The following COL4A1 variants were observed in gnomAD, a reference collection of about 807,000 sequenced individuals.
COL4A1 encodes collagen alpha-1(IV) chain.
A neutral mutation model predicts 216.6 loss-of-function variants in COL4A1; 40 were observed. The ratio of observed to expected loss-of-function variants is 0.18; its 90% CI spans 0.14 to 0.24. The LOEUF is 0.24. Among genes scored for constraint, COL4A1 ranks in the 10% least tolerant of loss-of-function variants. The pLI is 1.00. For synonymous variants in COL4A1, 839 were observed against 810.7 expected, an observed-to-expected ratio of 1.03 and a Z score of -0.59; for missense variants, 1,628 against 2,196.8, an observed-to-expected ratio of 0.74 and a Z score of 5.18.
At chr13:110,165,611 C>T (rs1877303034) in intron 45 of COL4A1, among the ~76,000 whole-genome samples, 1 of 151,874 alleles carries the variant, frequency 6.6e-6, no homozygotes, top group Non-Finnish European at 1.5e-5. Context: ...CACCCTCCCT[C>T]CCCTCTCCTT....
intron 48 of COL4A1, 185 bp downstream of exon 48, chr13:110,162,045 C>T (rs531435511): frequency 8.7e-6 from 6 of 690,210 alleles, no homozygotes; most frequent in Middle Eastern, 4.1e-4. Flanking sequence ...GCTGTTGAAC[C>T]GATTATTTGT....
At chr13:110,272,722 C>G (rs1446212739) in intron 1 of COL4A1, among the ~76,000 whole-genome samples, 3 of 152,230 alleles carry the variant, frequency 2.0e-5, no homozygotes, top group Non-Finnish European at 4.4e-5. Context: ...TTCTTGCCAA[C>G]AGTAAGGTAA....
intron 2 of COL4A1, among the ~76,000 whole-genome samples, chr13:110,220,844 G>C (rs936067865): frequency 3.9e-5 from 6 of 152,174 alleles, no homozygotes; most frequent in Non-Finnish European, 4.4e-5. Context: ...GGATAAACTA[G>C]AAGTGAAAAT....
At chr13:110,301,153 C>T (rs924668462) in intron 1 of COL4A1, among the ~76,000 whole-genome samples, 5 of 152,192 alleles carry the variant, frequency 3.3e-5, no homozygotes, top group Non-Finnish European at 5.9e-5. Context: ...CTTCGTTTGC[C>T]CAGATTCATC....
intron 1 of COL4A1, among the ~76,000 whole-genome samples, chr13:110,273,697 T>C (rs902998188): frequency 7.9e-5 from 12 of 152,328 alleles, no homozygotes; most frequent in African/African-American, 2.9e-4. Context: ...GGGTATAAAG[T>C]CTGGAAAACT....
At chr13:110,267,067 G>A (rs1254770906) in intron 1 of COL4A1, among the ~76,000 whole-genome samples, 1 of 152,190 alleles carries the variant, frequency 6.6e-6, no homozygotes, top group African/African-American at 2.4e-5. Context: ...AAGCCTTTTT[G>A]AGCAGATAAG....
chr13:110,159,214 A>G (rs2138425157), intron 49 of COL4A1, among the ~76,000 whole-genome samples: 1 of 152,314 alleles, frequency 6.6e-6, no homozygotes, highest in East Asian at 1.9e-4. Flanking sequence ...CGCTCAGTCC[A>G]ACACATGCAT....
intron 1 of COL4A1, among the ~76,000 whole-genome samples, chr13:110,296,625 G>C (rs976979068): frequency 6.6e-6 from 1 of 152,218 alleles, no homozygotes; most frequent in Non-Finnish European, 1.5e-5. Flanking sequence ...CTTCAGGGGA[G>C]ACCAGCTAGG....
chr13:110,291,979 G>A (rs1221525993), intron 1 of COL4A1, among the ~76,000 whole-genome samples: 3 of 152,094 alleles, frequency 2.0e-5, no homozygotes, highest in African/African-American at 7.2e-5. Context: ...GAGAAGATGG[G>A]GTCTGCACAC....
chr13:110,271,274 G>T (rs947153573), intron 1 of COL4A1, among the ~76,000 whole-genome samples: 1 of 152,188 alleles, frequency 6.6e-6, no homozygotes, highest in Non-Finnish European at 1.5e-5. Context: ...GGATAGTCAC[G>T]TTACGGTGCA....
intron 1 of COL4A1, among the ~76,000 whole-genome samples, chr13:110,260,160 G>A (rs1219146933): frequency 1.3e-5 from 2 of 152,094 alleles, no homozygotes; most frequent in Non-Finnish European, 2.9e-5. Flanking sequence ...AAGGTTTAAT[G>A]AACTCACAGT....
intron 1 of COL4A1, among the ~76,000 whole-genome samples, chr13:110,270,048 A>T (rs1883190379): frequency 6.6e-6 from 1 of 151,944 alleles, no homozygotes; most frequent in Non-Finnish European, 1.5e-5. Flanking sequence ...TTCACCCCGC[A>T]CTCCACTCCA....
chr13:110,264,623 T>C (rs559157861), intron 1 of COL4A1, among the ~76,000 whole-genome samples: 1 of 152,294 alleles, frequency 6.6e-6, no homozygotes, highest in African/African-American at 2.4e-5. Context: ...TTTAATTAAA[T>C]CCAAAAGGTT....
At position 110,174,359 on chromosome 13, in the gene COL4A1, G is replaced by A. The variant is rs551838136; in HGVS notation, c.3406+87C>T. 1.4e-4 allele frequency: 202 copies of A among 1,446,140 alleles called. 4 individuals are homozygous for A. The South Asian group carries it at 2.2e-3, about 16-fold the overall frequency. 89.6% of individuals were successfully genotyped at this position (1,446,140 alleles called of 1,614,324 possible). ...AGGACAGCTGGCCTCCCTGCTCCCC[G>A]TCTGTGATGGGAACTCCTTGGGGCC... is the stretch of plus-strand genomic sequence containing the variant. On this transcript the variant is annotated intron_variant, in intron 39 of 51. Transcript: ENST00000375820.
In COL4A1 at chr13:110,177,912, G is replaced by A. The variant is rs759550770; in HGVS notation, c.2646C>T (p.Gly882=). ...PGFPGSKGEM[G]VMGTPGQPGS... ...CCGGCTGCCCGGGGGTCCCCATGAC[G>A]CCCATTTCTCCCTTGGAACCTGTGG... The change falls in exon 33 of 52, where the codon GGC becomes GGT. Residue 882 remains glycine, a synonymous_variant. Transcript: ENST00000375820. The A allele has an allele frequency of 1.1e-5, 18 of 1,613,938 alleles. No homozygotes were observed. Among genetic ancestry groups the A allele is most frequent in the Middle Eastern group, 1.6e-4 (1 of 6,084 alleles).
intron 28 of COL4A1, among the ~76,000 whole-genome samples, chr13:110,182,506 G>T (rs539365291): frequency 1.1e-4 from 16 of 152,328 alleles, no homozygotes; most frequent in African/African-American, 3.8e-4. Flanking sequence ...CCTAAGAAAT[G>T]TGAAAAGCAG....
chr13:110,260,289 C>T (rs78734018), intron 1 of COL4A1, among the ~76,000 whole-genome samples: 4 of 152,174 alleles, frequency 2.6e-5, no homozygotes, highest in African/African-American at 4.8e-5. Context: ...ATAAAACCGT[C>T]GCAACTCTTG....
At chr13:110,269,146 T>C (rs1883152253) in intron 1 of COL4A1, among the ~76,000 whole-genome samples, 1 of 152,188 alleles carries the variant, frequency 6.6e-6, no homozygotes, top group Non-Finnish European at 1.5e-5. Flanking sequence ...AAAATAATTG[T>C]AGCATTTTAA....
At chr13:110,202,566 T>C (rs541261885) in intron 18 of COL4A1, among the ~76,000 whole-genome samples, 4 of 152,260 alleles carry the variant, frequency 2.6e-5, no homozygotes, top group African/African-American at 7.2e-5. Flanking sequence ...TGTAAATCTA[T>C]AAATAAAATG....
Sources: gnomAD v4.1 joint callset for allele counts (sites outside exome capture counted in the v4.1 genomes callset) on GRCh38, gnomAD v4.1.1 for gene constraint, MANE v1.5 for transcripts, NCBI Gene and HGNC (gene_info 2026-07-23, HGNC 2026-07-21) for gene names.